NCALD: variants seen among roughly 807,000 people sequenced by gnomAD.
NCALD encodes neurocalcin-delta.
A neutral mutation model predicts 18.6 loss-of-function variants in NCALD; 10 were observed. The observed-to-expected ratio is 0.54, with a 90% CI of 0.33 to 0.91. NCALD has a LOEUF of 0.91. Among genes scored for constraint, NCALD ranks in the 40% least tolerant of loss-of-function variants. The probability of loss-of-function intolerance (pLI) is 0.03; values close to 1 mark genes in which losing one functional copy is unlikely to be tolerated. For synonymous variants in NCALD, 88 were observed against 87.4 expected (o/e 1.01, Z -0.04); for missense variants, 184 against 247.6 (o/e 0.74, Z 1.72).
chr8:101,795,218 T>A (rs1812594179), upstream of NCALD, among the ~76,000 whole-genome samples: 1 of 152,186 alleles, frequency 6.6e-6, no homozygotes, highest in Non-Finnish European at 1.5e-5. Context: ...TAGCTAGATA[T>A]ATATTTTTAA....
intron 2 of NCALD, among the ~76,000 whole-genome samples, chr8:101,942,868 C>G (rs770688512): frequency 5.3e-5 from 8 of 152,162 alleles, no homozygotes; most frequent in African/African-American, 1.7e-4. Flanking sequence ...CTGTGACATA[C>G]AGCTTCATCC....
intron 2 of NCALD, among the ~76,000 whole-genome samples, chr8:101,923,680 G>T (rs888460856): frequency 3.3e-5 from 5 of 152,104 alleles, no homozygotes; most frequent in Non-Finnish European, 5.9e-5. Flanking sequence ...ATATATTTTG[G>T]TTTAATTTCA....
At chr8:101,782,210 G>C (rs1812046053) in intron 1 of NCALD, among the ~76,000 whole-genome samples, 1 of 151,710 alleles carries the variant, frequency 6.6e-6, no homozygotes, top group African/African-American at 2.4e-5. Context: ...ACTTATATGA[G>C]TATGACTTTG....
chr8:102,049,260 T>C (rs867849670), intron 1 of NCALD, among the ~76,000 whole-genome samples: 14 of 152,202 alleles, frequency 9.2e-5, no homozygotes, highest in Middle Eastern at 3.2e-3. Context: ...AGGAGGCAAC[T>C]TTCCACATGC....
At position 101,692,855 on chromosome 8, in the gene NCALD, T is replaced by G. The variant is rs1380705711; in HGVS notation, c.420A>C (p.Glu140Asp). Residue 140 changes from glutamate (E) to aspartate (D), a missense_variant, in exon 3 of 4, where the codon GAA becomes GAC. Transcript: ENST00000220931. Reference sequence around the variant, plus strand: ...TTCTTTTCTCTGGGGTTGACTCATCTTCAGGCATTTTCATTACAGAGGAAA... The same window carrying G: ...TTCTTTTCTCTGGGGTTGACTCATCGTCAGGCATTTTCATTACAGAGGAAA... ...KMVSSVMKMP[E>D]DESTPEKRTE... 21 of 1,614,052 alleles carry G rather than the reference T, an allele frequency of 1.3e-5. No homozygotes were observed. Among genetic ancestry groups the G allele is most frequent in the Non-Finnish European group, 1.8e-5 (21 of 1,179,922 alleles).
intron 1 of NCALD, among the ~76,000 whole-genome samples, chr8:101,786,886 G>A (rs1489055219): frequency 2.0e-5 from 3 of 152,210 alleles, no homozygotes; most frequent in East Asian, 3.9e-4. Context: ...ATTTTAAAGG[G>A]ATGCCGTGTC....
rs531649323 is a variant in NCALD, at chr8:101,940,367, C to T, written c.-156-24509G>A. ...AAATTTAGCGACACCCTTATGTGGACATATATAACAATCAGTAATTCATCA... is the reference window on the plus strand; with the variant it reads ...AAATTTAGCGACACCCTTATGTGGATATATATAACAATCAGTAATTCATCA... On this transcript the variant is annotated intron_variant, in intron 2 of 6. Coordinates refer to the NCALD transcript ENST00000311028. Among the ~76,000 whole-genome samples the T allele has an allele frequency of 7.9e-5, 12 of 152,238 alleles. No individual in the cohort carries two copies. In the East Asian group the frequency reaches 1.4e-3, roughly 17 times the overall value.
At chr8:101,765,399 C>G (rs982254840) in intron 1 of NCALD, among the ~76,000 whole-genome samples, 1 of 152,146 alleles carries the variant, frequency 6.6e-6, no homozygotes, top group African/African-American at 2.4e-5. Context: ...CTATCCTTGG[C>G]AATGAGAACT....
chr8:101,799,927 G>T (rs565054106), intron 4 of NCALD, among the ~76,000 whole-genome samples: 22 of 152,226 alleles, frequency 1.4e-4, no homozygotes, highest in African/African-American at 5.3e-4. Context: ...AAGAAAATGG[G>T]TAAAAGGCAT....
intron 2 of NCALD, among the ~76,000 whole-genome samples, chr8:101,938,087 C>T (rs1488149497): frequency 6.6e-6 from 1 of 152,082 alleles, no homozygotes; most frequent in East Asian, 1.9e-4. Context: ...GCCCCTACTG[C>T]TTCTCTCTCT....
intron 2 of NCALD, among the ~76,000 whole-genome samples, chr8:101,994,997 G>T (rs953254342): frequency 2.0e-5 from 3 of 152,196 alleles, no homozygotes; most frequent in African/African-American, 7.2e-5. Flanking sequence ...GTGCCTAATT[G>T]TGTAGAGCCT....
At chr8:101,728,557 ATGCC>A (rs1368160347) in intron 1 of NCALD, among the ~76,000 whole-genome samples, 1 of 152,234 alleles carries the variant, frequency 6.6e-6, no homozygotes, top group Non-Finnish European at 1.5e-5. Context: ...GGCGTAGCTC[ATGCC>A]TGTAATCCCA....
At chr8:101,853,705 T>C (rs908443657) in intron 4 of NCALD, among the ~76,000 whole-genome samples, 12 of 152,126 alleles carry the variant, frequency 7.9e-5, no homozygotes, top group African/African-American at 2.2e-4. Context: ...TGGAAAGCAA[T>C]TGCTGGAGAG....
intron 3 of NCALD, among the ~76,000 whole-genome samples, chr8:101,902,432 G>A (rs548162638): frequency 6.6e-6 from 1 of 152,278 alleles, no homozygotes; most frequent in African/African-American, 2.4e-5. Context: ...TTGGCCAGGG[G>A]TCCAGTGACC....
At chr8:101,928,951 C>T (rs1308137283) in intron 2 of NCALD, among the ~76,000 whole-genome samples, 4 of 151,620 alleles carry the variant, frequency 2.6e-5, no homozygotes, top group Admixed American at 6.6e-5. Flanking sequence ...TCAGGGGAGG[C>T]GAGGGGTGAG....
intron 1 of NCALD, among the ~76,000 whole-genome samples, chr8:102,024,125 T>C (rs1011838315): frequency 6.6e-6 from 1 of 152,060 alleles, no homozygotes; most frequent in Non-Finnish European, 1.5e-5. Context: ...CGTAACTGAA[T>C]GGGAAAAAAA....
intron 2 of NCALD, among the ~76,000 whole-genome samples, chr8:101,713,801 C>CA (rs1048700229): frequency 3.3e-5 from 5 of 151,644 alleles, no homozygotes; most frequent in Admixed American, 6.6e-5. Context: ...AGCCTACCAA[C>CA]AAAAAAAAGC....
At chr8:101,870,903 C>T (rs1159059131) in intron 4 of NCALD, among the ~76,000 whole-genome samples, 3 of 82,612 alleles carry the variant, frequency 3.6e-5, no homozygotes, top group African/African-American at 5.0e-5. Flanking sequence ...CCCCACCCCC[C>T]CCCCCCAAAA....
intron 2 of NCALD, among the ~76,000 whole-genome samples, chr8:101,954,171 G>C (rs1397726054): frequency 1.3e-5 from 2 of 152,168 alleles, no homozygotes; most frequent in Non-Finnish European, 2.9e-5. Flanking sequence ...CAGCACCTAG[G>C]GACCTCAGGA....
Sources: allele counts gnomAD v4.1 joint callset (sites outside exome capture counted in the v4.1 genomes callset), GRCh38; gene constraint gnomAD v4.1.1; transcripts MANE v1.5; gene names NCBI Gene and HGNC (gene_info 2026-07-23, HGNC 2026-07-21).